The following CEP128 variants were observed in gnomAD, a reference collection of about 807,000 sequenced individuals.
CEP128 encodes the protein centrosomal protein 128.
CEP128 carries 132 observed loss-of-function variants against 156.7 expected under a neutral mutation model. That is an observed-to-expected ratio of 0.84 (90% CI 0.73 to 0.97). The LOEUF is 0.97. CEP128 is among the 50% of genes least tolerant of loss of function. The pLI, the probability that CEP128 is intolerant of heterozygous loss-of-function variation, is 0.00. For synonymous variants in CEP128, 469 were observed against 448.9 expected (o/e 1.04, Z -0.57); for missense variants, 1,252 against 1,281.9 (o/e 0.98, Z 0.36).
chr14:80,772,653 C>T (rs186139442), intron 16 of CEP128, among the ~76,000 whole-genome samples: 26 of 152,270 alleles, frequency 1.7e-4, no homozygotes, highest in East Asian at 1.2e-3. Context: ...CAGACACCCA[C>T]GCCTGGATGC....
At chr14:80,678,060 A>ATATATATATATG (rs1420505816) in intron 19 of CEP128, among the ~76,000 whole-genome samples, 4 of 62,298 alleles carry the variant, frequency 6.4e-5, no homozygotes, top group East Asian at 7.4e-4. Context: ...ATATATATAT[A>ATATATATATATG]TATGTATATA....
At chr14:80,498,074 C>A (rs1469089460) in intron 24 of CEP128, among the ~76,000 whole-genome samples, 1 of 152,166 alleles carries the variant, frequency 6.6e-6, no homozygotes, top group African/African-American at 2.4e-5. Context: ...AATCTTCTCT[C>A]CTTATCTCTA....
intron 24 of CEP128, among the ~76,000 whole-genome samples, chr14:80,503,431 A>T (rs1887827141): frequency 1.3e-5 from 2 of 152,200 alleles, no homozygotes. Flanking sequence ...TACTAAATAC[A>T]ATTCCAAAAT....
At chr14:80,653,882 A>C (rs1368692302) in intron 19 of CEP128, among the ~76,000 whole-genome samples, 1 of 152,180 alleles carries the variant, frequency 6.6e-6, no homozygotes, top group African/African-American at 2.4e-5. Context: ...TGAATATAGT[A>C]CTAAAAGATT....
In CEP128 at chr14:80,548,798, A is replaced by G. The variant is rs191355560; in HGVS notation, c.2880+10481T>C. Reference sequence around the variant, plus strand: ...TCCAAACACTGAGCAATTCAATAATACTAAGTTCATCTGCTGGTGAAGCTG... The same window carrying G: ...TCCAAACACTGAGCAATTCAATAATGCTAAGTTCATCTGCTGGTGAAGCTG... On this transcript the variant is annotated intron_variant, in intron 21 of 24. Transcript: ENST00000555265. 4.5e-3 allele frequency among the ~76,000 whole-genome samples: 688 copies of G among 152,330 alleles called. 3 individuals are homozygous for G. Among genetic ancestry groups the G allele is most frequent in the Admixed American group, 5.6e-3 (86 of 15,300 alleles).
intron 19 of CEP128, among the ~76,000 whole-genome samples, chr14:80,654,863 G>A (rs1038349917): frequency 6.6e-6 from 1 of 151,950 alleles, no homozygotes; most frequent in Non-Finnish European, 1.5e-5. Context: ...GTCCTTTAGA[G>A]GCTACAACTG....
chr14:80,931,993 G>A (rs930588426), intron 2 of CEP128, among the ~76,000 whole-genome samples: 2 of 152,294 alleles, frequency 1.3e-5, no homozygotes. Flanking sequence ...GGAGAGACTG[G>A]TGGGAGGTAA....
At chr14:80,725,922 A>G (rs889582093) in intron 19 of CEP128, among the ~76,000 whole-genome samples, 1 of 152,228 alleles carries the variant, frequency 6.6e-6, no homozygotes, top group African/African-American at 2.4e-5. Flanking sequence ...CTTCCCCAGT[A>G]AATGCTCTAA....
chr14:80,938,300 G>A (rs961473342), intron 2 of CEP128, among the ~76,000 whole-genome samples: 1 of 147,474 alleles, frequency 6.8e-6, no homozygotes, highest in African/African-American at 2.5e-5. Flanking sequence ...AGGCTGGAGT[G>A]CAGTGGCGCG....
At chr14:80,631,104 T>G (rs532982935) in intron 19 of CEP128, among the ~76,000 whole-genome samples, 1 of 152,070 alleles carries the variant, frequency 6.6e-6, no homozygotes, top group Non-Finnish European at 1.5e-5. Flanking sequence ...ATGCAAAGAC[T>G]GTCATTCTAT....
At chr14:80,788,310 TCTG>T (rs1901524771) in intron 14 of CEP128, among the ~76,000 whole-genome samples, 1 of 149,438 alleles carries the variant, frequency 6.7e-6, no homozygotes, top group Non-Finnish European at 1.5e-5. Context: ...TTTTTTTTTT[TCTG>T]TTTCCTGACT....
At chr14:80,741,066 A>C (rs936105865) in intron 19 of CEP128, among the ~76,000 whole-genome samples, 1 of 152,316 alleles carries the variant, frequency 6.6e-6, no homozygotes. Context: ...AGCCATGTAC[A>C]CATAATAGCC....
chr14:80,524,859 C>A (rs1324473173), intron 23 of CEP128, among the ~76,000 whole-genome samples: 1 of 152,146 alleles, frequency 6.6e-6, no homozygotes, highest in African/African-American at 2.4e-5. Flanking sequence ...TATCTACTTG[C>A]AAAATTTTCA....
chr14:80,520,767 G>A, intron 23 of CEP128, among the ~76,000 whole-genome samples: 1 of 152,104 alleles, frequency 6.6e-6, no homozygotes, highest in East Asian at 1.9e-4. Context: ...GGGATGCAAA[G>A]ATGTTTTTAA....
downstream of CEP128, among the ~76,000 whole-genome samples, chr14:80,493,934 C>T (rs150306192): frequency 9.1e-4 from 139 of 152,292 alleles, no homozygotes; most frequent in African/African-American, 3.1e-3. Flanking sequence ...TCAAAAGCTA[C>T]GGTGACTTTT....
chr14:80,877,797 T>C (rs1888353689), intron 8 of CEP128, among the ~76,000 whole-genome samples: 1 of 152,114 alleles, frequency 6.6e-6, no homozygotes, highest in African/African-American at 2.4e-5. Context: ...GCTGAAGGGA[T>C]GCCCCACTCC....
intron 19 of CEP128, among the ~76,000 whole-genome samples, chr14:80,594,588 T>G (rs1046783259): frequency 2.6e-5 from 4 of 152,164 alleles, no homozygotes; most frequent in African/African-American, 9.7e-5. Context: ...AAAGGGCTAG[T>G]ATCCAGAATC....
At chr14:80,830,762 C>T (rs1885748116) in intron 13 of CEP128, 1 of 197,754 alleles carries the variant, frequency 5.1e-6, no homozygotes, top group African/African-American at 2.4e-5. Context: ...CACCTTTTCA[C>T]TATGCATTCT....
At chr14:80,837,454 C>T (rs1886136257) in intron 11 of CEP128, among the ~76,000 whole-genome samples, 1 of 149,764 alleles carries the variant, frequency 6.7e-6, no homozygotes, top group African/African-American at 2.6e-5. Flanking sequence ...CGTGGTGGCT[C>T]ACACCTATAA....
Sources: allele counts gnomAD v4.1 joint callset (sites outside exome capture counted in the v4.1 genomes callset), GRCh38; gene constraint gnomAD v4.1.1; transcripts MANE v1.5; gene names NCBI Gene and HGNC (gene_info 2026-07-23, HGNC 2026-07-21).